MCUB: variants seen among roughly 807,000 people sequenced by gnomAD.
MCUB encodes the protein mitochondrial calcium uniporter dominant negative subunit beta, also known as calcium uniporter regulatory subunit MCUb, mitochondrial.
Under a neutral mutation model 41.4 loss-of-function variants are expected in MCUB, and 46 were observed. That is an observed-to-expected ratio of 1.11 (90% CI 0.88 to 1.42). The LOEUF (loss-of-function observed/expected upper bound fraction) is 1.42, where lower values mean the gene tolerates loss of function less well. Ranked by LOEUF, MCUB falls within the 40% of genes most tolerant of loss-of-function variation. MCUB has a pLI of 0.00. For missense variants in MCUB, 403 were observed against 404.9 expected (o/e 1.00, Z 0.04); for synonymous variants, 148 against 148.2 (o/e 1.00, Z 0.01).
chr4:109,605,445 A>C (rs1296744182), intron 1 of MCUB, among the ~76,000 whole-genome samples: 1 of 152,244 alleles, frequency 6.6e-6, no homozygotes, highest in Non-Finnish European at 1.5e-5. Context: ...TTTGTGACCT[A>C]GCATATTATC....
chr4:109,565,369 A>G (rs979428928), intron 1 of MCUB, among the ~76,000 whole-genome samples: 6 of 152,210 alleles, frequency 3.9e-5, no homozygotes, highest in African/African-American at 1.4e-4. Flanking sequence ...CAACTATTCT[A>G]ATATTAAGAC....
chr4:109,623,695 A>G (rs1369945717), intron 1 of MCUB, among the ~76,000 whole-genome samples: 1 of 152,208 alleles, frequency 6.6e-6, no homozygotes, highest in Non-Finnish European at 1.5e-5. Flanking sequence ...GAACCCAAGA[A>G]CACTCAAGAA....
At chr4:109,649,145 A>C (rs1728905036) in intron 1 of MCUB, among the ~76,000 whole-genome samples, 1 of 151,942 alleles carries the variant, frequency 6.6e-6, no homozygotes, top group East Asian at 1.9e-4. Context: ...TATAAATCCA[A>C]CAACTTCTGT....
At chr4:109,622,151 G>A (rs1728262175) in intron 1 of MCUB, among the ~76,000 whole-genome samples, 1 of 152,110 alleles carries the variant, frequency 6.6e-6, no homozygotes, top group African/African-American at 2.4e-5. Context: ...CAAAGTGCTG[G>A]GATTACAGGC....
intron 1 of MCUB, among the ~76,000 whole-genome samples, chr4:109,608,722 A>G (rs1181999713): frequency 6.6e-6 from 1 of 152,008 alleles, no homozygotes; most frequent in Non-Finnish European, 1.5e-5. Flanking sequence ...GCTGACCTCA[A>G]ACTCCTGGGC....
At position 109,598,044 on chromosome 4, in the gene MCUB, G is replaced by A. The variant is rs576757117; in HGVS notation, c.99+37608G>A. 7.9e-5 allele frequency among the ~76,000 whole-genome samples: 12 copies of A among 151,522 alleles called. No homozygotes were observed. The South Asian group carries it at 8.4e-4, about 11-fold the overall frequency. ...TCACTTCCTAGATGGGATGGCGGCC[G>A]GGAAGAGGTGCTCCTCACTTCCTAG... On this transcript the variant is annotated intron_variant, in intron 1 of 7. Coordinates refer to ENST00000394650, the MANE Select transcript of MCUB (RefSeq NM_017918.5).
Position 109,560,359 on chromosome 4 carries a change from C to T in MCUB, c.22C>T (p.Pro8Ser). 7.6e-7 allele frequency: 1 copy of T among 1,319,512 alleles called. No individual in the cohort carries two copies. Among genetic ancestry groups the T allele is most frequent in the South Asian group, 2.1e-5 (1 of 47,390 alleles). 81.7% of individuals were successfully genotyped at this position (1,319,512 alleles called of 1,614,324 possible). The change falls in exon 1 of 8, where the codon CCG becomes TCG. Residue 8 changes from proline to serine, a missense_variant. Pro to Ser is a moderately conservative substitution (Grantham distance 74, BLOSUM62 -1). Coordinates refer to ENST00000394650, the MANE Select transcript of MCUB (RefSeq NM_017918.5). ...GAGGATGCTCCAGAGGGGCCTCTGG[C>T]CGTGGCGCACGCGGCTGCTGCCGAC... is the stretch of plus-strand genomic sequence containing the variant. The part of the protein sequence containing the change: MLQRGLW[P>S]WRTRLLPTPG...
chr4:109,565,773 G>A (rs1446789792), intron 1 of MCUB, among the ~76,000 whole-genome samples: 1 of 151,208 alleles, frequency 6.6e-6, no homozygotes, highest in Non-Finnish European at 1.5e-5. Flanking sequence ...ACAGAATGAA[G>A]CATTAGAGAG....
chr4:109,660,055 A>G (rs1476949848), intron 2 of MCUB, 140 bp from the exon 3 acceptor site: 1 of 592,156 alleles, frequency 1.7e-6, no homozygotes, highest in Non-Finnish European at 3.0e-6. Flanking sequence ...TAATGAAGGC[A>G]TTATTGGAGC....
At chr4:109,613,155 G>A (rs1728055681) in intron 1 of MCUB, among the ~76,000 whole-genome samples, 1 of 151,942 alleles carries the variant, frequency 6.6e-6, no homozygotes. Flanking sequence ...CAGCCCACAA[G>A]GATAAAGAGA....
rs185403150 is a variant in MCUB, at chr4:109,564,091, G to A, written c.99+3655G>A. Among the ~76,000 whole-genome samples the A allele has an allele frequency of 2.4e-3, 368 of 152,068 alleles. 1 individual carries two copies. The highest frequency in any genetic ancestry group is 8.3e-3 in the African/African-American group (344 of 41,472). Reference sequence around the variant, plus strand: ...CTTGATATGAGATTCAATGTTTTATGTCATTTCTTATTTATTTCTGCTTAT... The same window carrying A: ...CTTGATATGAGATTCAATGTTTTATATCATTTCTTATTTATTTCTGCTTAT... On this transcript the variant is annotated intron_variant, in intron 1 of 7. Coordinates refer to ENST00000394650, the MANE Select transcript of MCUB (RefSeq NM_017918.5).
Position 109,595,179 on chromosome 4 carries a change from G to C in MCUB, c.99+34743G>C, listed in dbSNP as rs537429457. ...TAAATGAAGACCATGCCTCATGGTT[G>C]TTGGTTTTGTCCCAGCCATGTTCCC... is the stretch of plus-strand genomic sequence containing the variant. On this transcript the variant is annotated intron_variant, in intron 1 of 7. Transcript: ENST00000394650. 2.1e-3 allele frequency among the ~76,000 whole-genome samples: 317 copies of C among 152,204 alleles called. 2 individuals carry two copies. The highest frequency in any genetic ancestry group is 5.4e-3 in the African/African-American group (225 of 41,498).
At chr4:109,624,688 G>A (rs1007955198) in intron 1 of MCUB, among the ~76,000 whole-genome samples, 1 of 152,104 alleles carries the variant, frequency 6.6e-6, no homozygotes, top group African/African-American at 2.4e-5. Context: ...GAAAGTTAAC[G>A]GCAAAGAAAC....
chr4:109,635,362 G>T (rs1013432905), intron 1 of MCUB, among the ~76,000 whole-genome samples: 2 of 152,150 alleles, frequency 1.3e-5, no homozygotes, highest in East Asian at 1.9e-4. Flanking sequence ...CAAATGCCAG[G>T]CATTAGAAAC....
chr4:109,583,977 A>T (rs985341160), intron 1 of MCUB, among the ~76,000 whole-genome samples: 2 of 152,078 alleles, frequency 1.3e-5, no homozygotes, highest in Admixed American at 1.3e-4. Flanking sequence ...ATGAGTTAGG[A>T]AGGATTCCTT....
At position 109,649,095 on chromosome 4, in the gene MCUB, A is replaced by G. The variant is rs115126645; in HGVS notation, c.100-9916A>G. Among the ~76,000 whole-genome samples the G allele has an allele frequency of 7.1e-3, 1,082 of 152,316 alleles. 7 individuals carry two copies. The highest frequency in any genetic ancestry group is 0.025 in the African/African-American group (1,025 of 41,572). ...TCACTACAGCTGAGTAGTGCCTTCA[A>G]TGAAAGCCTATGAGTAGTTAAACCC... is the stretch of plus-strand genomic sequence containing the variant. On this transcript the variant is annotated intron_variant, in intron 1 of 7. Coordinates refer to ENST00000394650, the MANE Select transcript of MCUB (RefSeq NM_017918.5).
At chr4:109,563,882 C>G (rs1283629094) in intron 1 of MCUB, among the ~76,000 whole-genome samples, 2 of 151,804 alleles carry the variant, frequency 1.3e-5, no homozygotes, top group Non-Finnish European at 2.9e-5. Context: ...CCACCGCGCC[C>G]AGCCCACAGC....
chr4:109,607,645 T>C (rs1455897995), intron 1 of MCUB, among the ~76,000 whole-genome samples: 1 of 152,270 alleles, frequency 6.6e-6, no homozygotes, highest in Non-Finnish European at 1.5e-5. Context: ...AAAGGATATT[T>C]TCACTGGATA....
chr4:109,562,921 T>A (rs1227798731), intron 1 of MCUB, among the ~76,000 whole-genome samples: 2 of 152,230 alleles, frequency 1.3e-5, no homozygotes. Context: ...ACAGAATTGT[T>A]TTTTAAAGAA....
Sources: allele counts gnomAD v4.1 joint callset (sites outside exome capture counted in the v4.1 genomes callset), GRCh38; gene constraint gnomAD v4.1.1; transcripts MANE v1.5; gene names NCBI Gene and HGNC (gene_info 2026-07-23, HGNC 2026-07-21).